Variants in ABHD18 observed in about 807,000 individuals in gnomAD.
The protein encoded by ABHD18 is cardiolipin-specific deacylase, mitochondrial.
Under a neutral mutation model 65.9 loss-of-function variants are expected in ABHD18, and 55 were observed. That is an observed-to-expected ratio of 0.84 (90% confidence interval 0.67 to 1.05). ABHD18 has a LOEUF of 1.05. ABHD18 is among the 50% of genes least tolerant of loss of function. The pLI is 0.00. For missense variants in ABHD18, 533 were observed against 558.5 expected (o/e 0.95, Z 0.46); for synonymous variants, 181 against 180.2 (o/e 1.00, Z -0.04).
At chr4:128,011,575 C>A in intron 6 of ABHD18, 98 bp from the exon 7 acceptor site, 3 of 757,460 alleles carry the variant, frequency 4.0e-6, no homozygotes, top group South Asian at 2.0e-5. Context: ...GGAGTTATTT[C>A]AGTATTAAAT....
chr4:128,030,851 T>G, intron 12 of ABHD18, 179 bp downstream of exon 12: 2 of 1,360,298 alleles, frequency 1.5e-6, no homozygotes, highest in Non-Finnish European at 1.9e-6. Context: ...TTTGATCTTC[T>G]TATTTTCTTC....
At chr4:128,007,655 C>T (rs1753828026) in intron 4 of ABHD18, among the ~76,000 whole-genome samples, 1 of 150,536 alleles carries the variant, frequency 6.6e-6, no homozygotes, top group Non-Finnish European at 1.5e-5. Flanking sequence ...GTGGGAGGAT[C>T]ACTTGAGCCC....
chr4:128,021,288 T>C (rs1560918005), intron 10 of ABHD18, 50 bp downstream of exon 10: 2 of 1,076,022 alleles, frequency 1.9e-6, no homozygotes, highest in African/African-American at 3.2e-5. Context: ...GAGTTGATTG[T>C]ATATTTAATG....
At chr4:128,024,960 G>T (rs894739063) in intron 10 of ABHD18, among the ~76,000 whole-genome samples, 2 of 151,982 alleles carry the variant, frequency 1.3e-5, no homozygotes, top group African/African-American at 4.8e-5. Flanking sequence ...CCAAAGTGCT[G>T]GTATTACAGG....
At position 127,985,422 on chromosome 4, in the gene ABHD18, C is replaced by T. The variant is rs549982752; in HGVS notation, c.177+999C>T. On this transcript the variant is annotated intron_variant, in intron 3 of 12. Transcript: ENST00000645843. ...TTAGATTTCTCTTTTCAAAAGAGTT[C>T]GACTGCTAAGAACAAAATTTTATAG... 5.3e-5 allele frequency among the ~76,000 whole-genome samples: 8 copies of T among 152,056 alleles called. No individual in the cohort carries two copies. The South Asian group carries it at 1.2e-3, about 24-fold the overall frequency.
rs1759029292 is a variant in ABHD18, at chr4:128,037,934, G to T, written c.*2121G>T. 1.3e-5 allele frequency: 2 copies of T among 152,068 alleles called. No individual in the cohort carries two copies. The highest frequency in any genetic ancestry group is 4.1e-4 in the South Asian group (2 of 4,828). 9.4% of individuals were successfully genotyped at this position (152,068 alleles called of 1,614,324 possible). On this transcript the variant is annotated 3_prime_UTR_variant, in exon 13 of 13. Transcript: ENST00000645843. ...TGTTAAAAAAGTCGAAAATATTTTA[G>T]GGTATTGTGTGAAGTTTTACAGTAG...
At chr4:128,003,145 G>T (rs960286597) in intron 4 of ABHD18, among the ~76,000 whole-genome samples, 1 of 151,660 alleles carries the variant, frequency 6.6e-6, no homozygotes, top group African/African-American at 2.4e-5. Flanking sequence ...GAGGTGGGCG[G>T]ATCATGAGGT....
chr4:128,026,834 G>A (rs1455718918), intron 10 of ABHD18, among the ~76,000 whole-genome samples: 1 of 147,844 alleles, frequency 6.8e-6, no homozygotes, highest in African/African-American at 2.5e-5. Flanking sequence ...CGCCCAGGCT[G>A]GAGTGCAGTG....
chr4:128,028,752 A>G lies in ABHD18; in HGVS notation c.1079A>G (p.His360Arg). ...ACAAGTCGCAACCCTCAGTCATACC[A>G]CCTACTTAGTAAAGAACAAAGCAGA... ...GYTSRNPQSY[H>R]LLSKEQSRNS... Residue 360 changes from histidine (H) to arginine (R), a missense_variant, in exon 11 of 13, where the codon CAC becomes CGC. By Grantham distance (29) the His-to-Arg change is conservative. Transcript: ENST00000645843. The G allele has an allele frequency of 6.2e-7, 1 of 1,613,830 alleles. No individual in the cohort carries two copies. Among genetic ancestry groups the G allele is most frequent in the Non-Finnish European group, 8.5e-7 (1 of 1,179,840 alleles).
Position 127,989,774 on chromosome 4 carries a change from G to A in ABHD18, c.231G>A (p.Met77Ile). The change falls in exon 4 of 13, where the codon ATG becomes ATA. Residue 77 changes from methionine to isoleucine, a missense_variant. By Grantham distance (10) the Met-to-Ile change is conservative. Coordinates refer to ENST00000645843, the MANE Select transcript of ABHD18 (RefSeq NM_001358451.3). Reference protein sequence around the residue: ...KILDGHFVSPMAHYVPDIMPI... With the variant: ...KILDGHFVSPIAHYVPDIMPI... The stretch of plus-strand genomic sequence containing the variant: ...TAGATGGACACTTTGTTTCCCCCAT[G>A]GCTCACTATGTGCCTGATATCATGC... 6.2e-7 allele frequency: 1 copy of A among 1,602,696 alleles called. No individual in the cohort carries two copies. The highest frequency in any genetic ancestry group is 8.5e-7 in the Non-Finnish European group (1 of 1,174,438).
chr4:127,978,117 A>G (rs2149057159), intron 1 of ABHD18, among the ~76,000 whole-genome samples: 1 of 152,272 alleles, frequency 6.6e-6, no homozygotes, highest in Admixed American at 6.5e-5. Context: ...CATGAAAACA[A>G]CAGTTGTAGT....
chr4:127,975,330 C>T (rs957610510), intron 1 of ABHD18, among the ~76,000 whole-genome samples: 9 of 152,126 alleles, frequency 5.9e-5, no homozygotes, highest in African/African-American at 2.2e-4. Context: ...CAGTACTGGG[C>T]AACCATCCTT....
chr4:127,972,414 C>T (rs926921869), intron 1 of ABHD18, among the ~76,000 whole-genome samples: 3 of 151,890 alleles, frequency 2.0e-5, no homozygotes, highest in African/African-American at 7.3e-5. Context: ...TTTCAGGGGG[C>T]CCACAGGGAG....
chr4:127,978,881 A>G (rs938083857), intron 1 of ABHD18, among the ~76,000 whole-genome samples: 4 of 152,196 alleles, frequency 2.6e-5, no homozygotes, highest in African/African-American at 9.6e-5. Context: ...AATGCACTTA[A>G]CACTCCAACG....
At chr4:128,015,022 A>G (rs1560902930) in intron 7 of ABHD18, among the ~76,000 whole-genome samples, 2 of 151,692 alleles carry the variant, frequency 1.3e-5, no homozygotes, top group African/African-American at 4.9e-5. Context: ...GGTTGCAGTG[A>G]GCCAAGATCG....
At chr4:128,002,735 C>T (rs1752892122) in intron 4 of ABHD18, among the ~76,000 whole-genome samples, 1 of 152,094 alleles carries the variant, frequency 6.6e-6, no homozygotes, top group Non-Finnish European at 1.5e-5. Flanking sequence ...GCCCTGTCTC[C>T]TGAGTTCAAG....
chr4:128,020,673 A>G (rs1467902105), intron 9 of ABHD18, among the ~76,000 whole-genome samples: 1 of 152,188 alleles, frequency 6.6e-6, no homozygotes, highest in African/African-American at 2.4e-5. Flanking sequence ...ATATAAGTAT[A>G]GAAAGCTGTT....
In ABHD18 at chr4:128,028,767, A is replaced by G; in HGVS notation, c.1094A>G (p.Glu365Gly). The change falls in exon 11 of 13, where the codon GAA becomes GGA. Residue 365 changes from glutamate to glycine, a missense_variant. Coordinates refer to ENST00000645843, the MANE Select transcript of ABHD18 (RefSeq NM_001358451.3). ...CAGTCATACCACCTACTTAGTAAAG[A>G]ACAAAGCAGAAACAGTCTTCGGAAA... is the stretch of plus-strand genomic sequence containing the variant. ...NPQSYHLLSK[E>G]QSRNSLRKES... The G allele has an allele frequency of 6.2e-7, 1 of 1,613,390 alleles. No homozygotes were observed. Among genetic ancestry groups the G allele is most frequent in the South Asian group, 1.1e-5 (1 of 90,856 alleles).
chr4:128,015,076 TAAAA>T (rs35551300), intron 7 of ABHD18, among the ~76,000 whole-genome samples: 2 of 122,952 alleles, frequency 1.6e-5, no homozygotes, highest in African/African-American at 3.0e-5. Context: ...AAACTCCATC[TAAAA>T]AAAAAAAAAA....
Sources: allele counts gnomAD v4.1 joint callset (sites outside exome capture counted in the v4.1 genomes callset), GRCh38; gene constraint gnomAD v4.1.1; transcripts MANE v1.5; gene names NCBI Gene and HGNC (gene_info 2026-07-23, HGNC 2026-07-21).